FTO: variants seen among roughly 807,000 people sequenced by gnomAD.
FTO encodes alpha-ketoglutarate-dependent dioxygenase FTO.
In FTO, 47 loss-of-function variants were observed where a neutral mutation model predicts 63.9. The observed-to-expected ratio is 0.74, with a 90% CI of 0.58 to 0.94. The LOEUF (loss-of-function observed/expected upper bound fraction) is 0.94. Ranked by LOEUF, FTO falls within the 40% of genes least tolerant of loss-of-function variation. FTO has a pLI of 0.00. For missense variants in FTO, 562 were observed against 618.1 expected, an observed-to-expected ratio of 0.91 and a Z score of 0.96; for synonymous variants, 207 against 224.4, an observed-to-expected ratio of 0.92 and a Z score of 0.69.
chr16:54,014,943 A>G (rs1599207695), intron 8 of FTO, among the ~76,000 whole-genome samples: 2 of 146,944 alleles, frequency 1.4e-5, no homozygotes, highest in South Asian at 4.3e-4. Context: ...TCAGCCTCCA[A>G]CTCCTAGCCC....
chr16:53,928,713 A>G (rs887194496), intron 7 of FTO, among the ~76,000 whole-genome samples: 10 of 152,070 alleles, frequency 6.6e-5, no homozygotes, highest in Admixed American at 6.5e-4. Context: ...TGTTTTCTGC[A>G]TTCTTTCTTG....
At chr16:54,030,625 A>T (rs1352001699) in intron 8 of FTO, among the ~76,000 whole-genome samples, 3 of 151,676 alleles carry the variant, frequency 2.0e-5, no homozygotes, top group Non-Finnish European at 4.4e-5. Context: ...AGTCAAAACC[A>T]GACCAACCAG....
intron 8 of FTO, among the ~76,000 whole-genome samples, chr16:53,976,627 AT>A (rs1204508020): frequency 6.6e-6 from 1 of 152,134 alleles, no homozygotes; most frequent in African/African-American, 2.4e-5. Context: ...TCCTGTTGGC[AT>A]TTTAATATAA....
intron 1 of FTO, among the ~76,000 whole-genome samples, chr16:53,806,026 G>A (rs1300610788): frequency 3.3e-5 from 5 of 152,222 alleles, no homozygotes; most frequent in South Asian, 2.1e-4. Flanking sequence ...CAGTTAGCCA[G>A]ATCTGACAGT....
chr16:54,105,189 T>C (rs1269461675), intron 8 of FTO, among the ~76,000 whole-genome samples: 1 of 152,204 alleles, frequency 6.6e-6, no homozygotes, highest in East Asian at 1.9e-4. Flanking sequence ...ATCTTTTATT[T>C]CTATAGACTG....
intron 1 of FTO, among the ~76,000 whole-genome samples, chr16:53,708,423 AG>A (rs1436055580): frequency 6.6e-6 from 1 of 151,934 alleles, no homozygotes; most frequent in Non-Finnish European, 1.5e-5. Flanking sequence ...TCTGTTCACC[AG>A]TTGATGGACA....
At chr16:53,952,646 T>G (rs1477795159) in intron 8 of FTO, among the ~76,000 whole-genome samples, 1 of 152,198 alleles carries the variant, frequency 6.6e-6, no homozygotes, top group Non-Finnish European at 1.5e-5. Flanking sequence ...CATGGTTATA[T>G]TCCAAGGCAG....
At chr16:53,775,196 T>C (rs971355631) in intron 1 of FTO, among the ~76,000 whole-genome samples, 2 of 152,140 alleles carry the variant, frequency 1.3e-5, no homozygotes, top group Admixed American at 1.3e-4. Flanking sequence ...AAATAAAATA[T>C]CTTTACCTCC....
intron 8 of FTO, among the ~76,000 whole-genome samples, chr16:54,094,478 G>A (rs1378868119): frequency 1.3e-5 from 2 of 152,162 alleles, no homozygotes; most frequent in African/African-American, 4.8e-5. Context: ...TGACTCAGAA[G>A]GCCTGTTCAG....
chr16:53,741,822 G>T (rs1275273467), intron 1 of FTO, among the ~76,000 whole-genome samples: 2 of 152,154 alleles, frequency 1.3e-5, no homozygotes, highest in Non-Finnish European at 2.9e-5. Flanking sequence ...TTAGCTAGTT[G>T]TCTCTGGCTC....
chr16:54,097,324 G>GTT (rs113321593), intron 8 of FTO, among the ~76,000 whole-genome samples: 4,326 of 147,164 alleles, frequency 0.029, 136 homozygotes, highest in South Asian at 0.085. Context: ...CTCTTTTTTT[G>GTT]TTTTTTTTTT....
At chr16:54,078,675 C>T (rs2086061744) in intron 8 of FTO, among the ~76,000 whole-genome samples, 1 of 151,982 alleles carries the variant, frequency 6.6e-6, no homozygotes, top group South Asian at 2.1e-4. Context: ...GATTCAAAAT[C>T]AATAGTGATT....
rs138348216 is a variant in FTO, at chr16:53,826,359, A to G, written c.619A>G (p.Met207Val). The change falls in exon 3 of 9, where the codon ATG becomes GTG. Residue 207 changes from methionine to valine, a missense_variant. By Grantham distance (21) the Met-to-Val change is conservative. Coordinates refer to ENST00000471389, the MANE Select transcript of FTO (RefSeq NM_001080432.3). ...AAYNVTLLNF[M>V]DPQKMPYLKE... ...ATACAACGTAACTTTGCTGAATTTC[A>G]TGGATCCTCAGAAAATGCCATACCT... 64 of 1,614,060 alleles carry G rather than the reference A, an allele frequency of 4.0e-5. No homozygotes were observed. Among genetic ancestry groups the G allele is most frequent in the African/African-American group, 5.3e-5 (4 of 74,938 alleles).
chr16:54,012,397 A>C (rs2098371), intron 8 of FTO, among the ~76,000 whole-genome samples: 79,164 of 151,620 alleles, frequency 0.52, 23,146 homozygotes, highest in African/African-American at 0.79. Context: ...ATTTAAGAAA[A>C]GAAACTGTCT....
chr16:53,783,234 C>T (rs775631872), intron 1 of FTO, among the ~76,000 whole-genome samples: 1 of 152,174 alleles, frequency 6.6e-6, no homozygotes, highest in South Asian at 2.1e-4. Context: ...GTAATCCCAG[C>T]ACTTCGGGAG....
At chr16:54,040,027 G>A (rs1369025160) in intron 8 of FTO, 1 of 152,104 alleles carries the variant, frequency 6.6e-6, no homozygotes, top group African/African-American at 2.4e-5. Context: ...CTCCGAAGCT[G>A]GATTTAGCAG....
intron 1 of FTO, 143 bp from the exon 2 acceptor site, chr16:53,809,997 G>T (rs536333686): frequency 4.2e-5 from 25 of 590,654 alleles, no homozygotes; most frequent in South Asian, 2.6e-4. Context: ...TTATAATTGA[G>T]ATTTGACTAA....
chr16:53,731,061 G>A (rs2076259807), intron 1 of FTO, among the ~76,000 whole-genome samples: 1 of 152,176 alleles, frequency 6.6e-6, no homozygotes, highest in Admixed American at 6.5e-5. Context: ...TGGAAAAGGT[G>A]TCCAGATGTT....
At chr16:53,848,459 T>C (rs8061228) in intron 4 of FTO, among the ~76,000 whole-genome samples, 46,793 of 152,072 alleles carry the variant, frequency 0.31, 9,243 homozygotes, top group East Asian at 0.74. Flanking sequence ...CCTGAGGACA[T>C]GCTTAACTAA....
Sources: allele counts gnomAD v4.1 joint callset (sites outside exome capture counted in the v4.1 genomes callset), GRCh38; gene constraint gnomAD v4.1.1; transcripts MANE v1.5; gene names NCBI Gene and HGNC (gene_info 2026-07-23, HGNC 2026-07-21).